MAML2: variants seen among roughly 807,000 people sequenced by gnomAD.
MAML2 encodes mastermind like transcriptional coactivator 2.
A neutral mutation model predicts 96.1 loss-of-function variants in MAML2; 22 were observed. The observed-to-expected ratio is 0.23, with a 90% CI of 0.16 to 0.33. The LOEUF (loss-of-function observed/expected upper bound fraction) is 0.33. Ranked by LOEUF, MAML2 falls within the 10% of genes least tolerant of loss-of-function variation. The pLI is 1.00. For missense variants in MAML2, 1,367 were observed against 1,392.4 expected (o/e 0.98, Z 0.29); for synonymous variants, 561 against 521.3 (o/e 1.08, Z -1.04).
intron 1 of MAML2, among the ~76,000 whole-genome samples, chr11:96,287,178 A>G (rs10501850): frequency 0.083 from 12,651 of 152,276 alleles, 959 homozygotes; most frequent in African/African-American, 0.2. Context: ...ACCTGTTATT[A>G]TAAGAGCATT....
intron 1 of MAML2, among the ~76,000 whole-genome samples, chr11:96,188,359 C>T (rs967738070): frequency 2.6e-5 from 4 of 152,160 alleles, no homozygotes; most frequent in South Asian, 2.1e-4. Flanking sequence ...CTCTCTCTAC[C>T]CCCATCCTTC....
intron 2 of MAML2, among the ~76,000 whole-genome samples, chr11:96,082,949 A>AT (rs1056241117): frequency 3.9e-5 from 6 of 152,180 alleles, no homozygotes; most frequent in African/African-American, 1.4e-4. Context: ...AATGAAAGTC[A>AT]TTTTTGAAGA....
At chr11:96,118,868 T>C (rs1181928599) in intron 1 of MAML2, among the ~76,000 whole-genome samples, 2 of 152,176 alleles carry the variant, frequency 1.3e-5, no homozygotes, top group Non-Finnish European at 2.9e-5. Context: ...ATTCTTTTTT[T>C]TTCCTTTAGG....
chr11:95,998,116 C>A (rs1396888780), intron 2 of MAML2, among the ~76,000 whole-genome samples: 1 of 145,620 alleles, frequency 6.9e-6, no homozygotes, highest in Admixed American at 6.9e-5. Flanking sequence ...ATCCACTTTT[C>A]TATCTATCTG....
intron 1 of MAML2, among the ~76,000 whole-genome samples, chr11:96,240,658 A>G (rs1862425676): frequency 6.6e-6 from 1 of 151,424 alleles, no homozygotes; most frequent in South Asian, 2.1e-4. Context: ...GCATTGGCAC[A>G]GCTCAATTTT....
At chr11:95,990,116 T>C (rs1455277141) in intron 3 of MAML2, among the ~76,000 whole-genome samples, 1 of 152,214 alleles carries the variant, frequency 6.6e-6, no homozygotes, top group Non-Finnish European at 1.5e-5. Context: ...CTGGATTTAA[T>C]CTTTCTTTCC....
chr11:96,123,238 T>C (rs1298578108), intron 1 of MAML2, among the ~76,000 whole-genome samples: 1 of 151,888 alleles, frequency 6.6e-6, no homozygotes, highest in Non-Finnish European at 1.5e-5. Context: ...CAGGAACCAC[T>C]AGATCTCCAA....
At chr11:96,278,647 C>T (rs1863022584) in intron 1 of MAML2, among the ~76,000 whole-genome samples, 1 of 152,112 alleles carries the variant, frequency 6.6e-6, no homozygotes, top group Admixed American at 6.5e-5. Flanking sequence ...ATGAATAGGA[C>T]TTTACTAAAC....
chr11:96,083,866 C>T (rs1859566324), intron 2 of MAML2, among the ~76,000 whole-genome samples: 1 of 152,048 alleles, frequency 6.6e-6, no homozygotes, highest in Non-Finnish European at 1.5e-5. Context: ...GTAATCCATG[C>T]TCAAAGAGAA....
At chr11:96,069,936 A>G (rs967597243) in intron 2 of MAML2, among the ~76,000 whole-genome samples, 2 of 149,698 alleles carry the variant, frequency 1.3e-5, no homozygotes, top group Middle Eastern at 3.4e-3. Context: ...GGCAGGAGGA[A>G]TCACTTGAAC....
chr11:96,015,375 C>T (rs997844577), intron 2 of MAML2, among the ~76,000 whole-genome samples: 1 of 151,900 alleles, frequency 6.6e-6, no homozygotes, highest in Non-Finnish European at 1.5e-5. Flanking sequence ...AGTAAGGTGC[C>T]CAATTCCCAG....
At chr11:96,054,015 T>C (rs1859026393) in intron 2 of MAML2, among the ~76,000 whole-genome samples, 1 of 152,156 alleles carries the variant, frequency 6.6e-6, no homozygotes, top group Admixed American at 6.5e-5. Context: ...CTGTTTTATA[T>C]TCCATTGGGA....
chr11:95,981,496 G>T (rs1857736465), intron 4 of MAML2, among the ~76,000 whole-genome samples: 1 of 152,192 alleles, frequency 6.6e-6, no homozygotes, highest in South Asian at 2.1e-4. Context: ...GTCTGCAATT[G>T]TAAACGTGGG....
chr11:96,085,607 A>AAATCTATTTCTT (rs1859597163), intron 2 of MAML2, among the ~76,000 whole-genome samples: 1 of 152,194 alleles, frequency 6.6e-6, no homozygotes, highest in Non-Finnish European at 1.5e-5. Flanking sequence ...CTCCAGGTTC[A>AAATCTATTTCTT]AATCTATTTC....
intron 1 of MAML2, among the ~76,000 whole-genome samples, chr11:96,174,784 T>C (rs566669515): frequency 6.6e-6 from 1 of 152,392 alleles, no homozygotes; most frequent in East Asian, 1.9e-4. Flanking sequence ...CCACAAAGCC[T>C]GAAGCATGTG....
At chr11:96,041,079 G>A (rs573109227) in intron 2 of MAML2, among the ~76,000 whole-genome samples, 81 of 152,186 alleles carry the variant, frequency 5.3e-4, no homozygotes, top group African/African-American at 1.7e-3. Flanking sequence ...ATGGGCACTT[G>A]GGTATTTTCT....
chr11:95,992,294 C>T (rs571181853), intron 2 of MAML2, among the ~76,000 whole-genome samples: 3 of 152,034 alleles, frequency 2.0e-5, no homozygotes, highest in Non-Finnish European at 2.9e-5. Flanking sequence ...AATTTTGTTC[C>T]GCAGTCAACA....
chr11:96,184,471 TAA>T (rs1861540773), intron 1 of MAML2, among the ~76,000 whole-genome samples: 1 of 115,750 alleles, frequency 8.6e-6, no homozygotes, highest in African/African-American at 3.6e-5. Flanking sequence ...AATAAATAAA[TAA>T]ATAAAAATAA....
At chr11:96,111,773 G>A (rs1860127989) in intron 1 of MAML2, among the ~76,000 whole-genome samples, 1 of 152,148 alleles carries the variant, frequency 6.6e-6, no homozygotes, top group Non-Finnish European at 1.5e-5. Context: ...ACATTATTCT[G>A]GGAATTCAGA....
Sources: allele counts gnomAD v4.1 joint callset (sites outside exome capture counted in the v4.1 genomes callset), GRCh38; gene constraint gnomAD v4.1.1; transcripts MANE v1.5; gene names NCBI Gene and HGNC (gene_info 2026-07-23, HGNC 2026-07-21).